ZNF407: variants seen among roughly 807,000 people sequenced by gnomAD.
ZNF407 encodes the protein zinc finger protein 407.
In ZNF407, 17 loss-of-function variants were observed where a neutral mutation model predicts 131.2. The observed-to-expected ratio is 0.13, with a 90% CI of 0.09 to 0.19. The LOEUF is 0.19. ZNF407 is among the 10% of genes least tolerant of loss of function. ZNF407 has a pLI of 1.00. For synonymous variants in ZNF407, 1,156 were observed against 1,062.0 expected, an observed-to-expected ratio of 1.09 and a Z score of -1.72; for missense variants, 2,681 against 2,830.6, an observed-to-expected ratio of 0.95 and a Z score of 1.20.
chr18:74,914,873 G>A (rs557651383), intron 7 of ZNF407, among the ~76,000 whole-genome samples: 1 of 152,166 alleles, frequency 6.6e-6, no homozygotes, highest in African/African-American at 2.4e-5. Context: ...AAACTGCTCA[G>A]TCATTGCATG....
intron 8 of ZNF407, among the ~76,000 whole-genome samples, chr18:74,921,369 C>T (rs1351844995): frequency 1.3e-5 from 2 of 152,194 alleles, no homozygotes; most frequent in Non-Finnish European, 2.9e-5. Flanking sequence ...TCCTTGAGTG[C>T]CAAATTCTGT....
intron 3 of ZNF407, among the ~76,000 whole-genome samples, chr18:74,686,868 A>G (rs140137848): frequency 1.3e-5 from 2 of 152,356 alleles, no homozygotes; most frequent in East Asian, 1.9e-4. Flanking sequence ...TAATTTATAT[A>G]TACACTGTAT....
intron 3 of ZNF407, among the ~76,000 whole-genome samples, chr18:74,721,685 A>G (rs903951828): frequency 2.0e-5 from 3 of 152,106 alleles, no homozygotes; most frequent in Non-Finnish European, 2.9e-5. Context: ...CAGTCTGAGA[A>G]TCTCTTCTTT....
chr18:74,729,510 T>C (rs1968241398), intron 3 of ZNF407, among the ~76,000 whole-genome samples: 1 of 152,182 alleles, frequency 6.6e-6, no homozygotes, highest in Non-Finnish European at 1.5e-5. Flanking sequence ...TGTGTGTTTT[T>C]TTTTGTCTTG....
At chr18:74,843,201 T>G (rs1970657825) in intron 4 of ZNF407, among the ~76,000 whole-genome samples, 1 of 152,240 alleles carries the variant, frequency 6.6e-6, no homozygotes, top group Non-Finnish European at 1.5e-5. Flanking sequence ...TATTTTCTCT[T>G]AATTACTACT....
intron 8 of ZNF407, among the ~76,000 whole-genome samples, chr18:75,010,060 A>G (rs1218664835): frequency 6.6e-6 from 1 of 152,192 alleles, no homozygotes; most frequent in South Asian, 2.1e-4. Flanking sequence ...AGAAAACATT[A>G]TGCACATTTT....
At chr18:74,851,178 G>A (rs558197632) in intron 4 of ZNF407, among the ~76,000 whole-genome samples, 13 of 152,258 alleles carry the variant, frequency 8.5e-5, no homozygotes, top group East Asian at 5.8e-4. Context: ...TTATTCAAAC[G>A]TCTTTTCTTA....
rs575921309 is a variant in ZNF407, at chr18:74,884,910, A to C, written c.5128+3791A>C. On this transcript the variant is annotated intron_variant, in intron 6 of 8. Coordinates refer to ENST00000299687, the MANE Select transcript of ZNF407 (RefSeq NM_017757.3). ...ATGTCATCCTTTTACCCCACTTCAA[A>C]TATCAGCAGAATCTATGAAAAATGA... is the stretch of plus-strand genomic sequence containing the variant. Among the ~76,000 whole-genome samples the C allele has an allele frequency of 2.0e-5, 3 of 152,306 alleles. No homozygotes were observed. The South Asian group carries it at 6.2e-4, about 32-fold the overall frequency.
intron 5 of ZNF407, among the ~76,000 whole-genome samples, chr18:74,880,663 A>T (rs1971224905): frequency 6.6e-6 from 1 of 152,200 alleles, no homozygotes; most frequent in Admixed American, 6.5e-5. Context: ...TATATTAACT[A>T]TTCCAAGCAA....
intron 3 of ZNF407, among the ~76,000 whole-genome samples, chr18:74,694,285 G>A (rs1250829382): frequency 1.3e-5 from 2 of 152,126 alleles, no homozygotes; most frequent in African/African-American, 4.8e-5. Context: ...CAATGTTAAG[G>A]TGTGACCGTT....
intron 3 of ZNF407, among the ~76,000 whole-genome samples, chr18:74,771,827 A>T (rs962773492): frequency 3.7e-4 from 57 of 152,106 alleles, no homozygotes; most frequent in African/African-American, 1.2e-3. Context: ...ATTTTCTTTT[A>T]AAAATATTGT....
At position 74,750,014 on chromosome 18, in the gene ZNF407, T is replaced by C. The variant is rs79421411; in HGVS notation, c.4803-31414T>C. Among the ~76,000 whole-genome samples the C allele has an allele frequency of 2.6e-5, 4 of 152,266 alleles. No homozygotes were observed. In the East Asian group the frequency reaches 5.8e-4, roughly 22 times the overall value. On this transcript the variant is annotated intron_variant, in intron 3 of 8. Transcript: ENST00000299687. ...GGTTGGTGCAAGGGTCACAGTTTTG[T>C]CCATGAAAGTCCTTTCCAGCCTCAT...
At chr18:74,600,399 C>T (rs1336006682) in intron 1 of ZNF407, among the ~76,000 whole-genome samples, 1 of 152,198 alleles carries the variant, frequency 6.6e-6, no homozygotes, top group Non-Finnish European at 1.5e-5. Flanking sequence ...GGACTGTTGA[C>T]TCTCTTCTAC....
chr18:74,969,859 T>G (rs1472890210), intron 8 of ZNF407, among the ~76,000 whole-genome samples: 1 of 152,230 alleles, frequency 6.6e-6, no homozygotes. Context: ...TTTTCCTAGA[T>G]GTCCTTCTCT....
At chr18:74,769,884 T>C (rs988612517) in intron 3 of ZNF407, among the ~76,000 whole-genome samples, 2 of 152,188 alleles carry the variant, frequency 1.3e-5, no homozygotes, top group African/African-American at 4.8e-5. Flanking sequence ...CACCTGAAAC[T>C]AGGCCTATAC....
At position 75,021,721 on chromosome 18, in the gene ZNF407, G is replaced by T. The variant is rs771395475; in HGVS notation, c.5429-41429G>T. 5.9e-4 allele frequency among the ~76,000 whole-genome samples: 89 copies of T among 151,924 alleles called. 1 individual carries two copies. The highest frequency in any genetic ancestry group is 6.3e-3 in the Middle Eastern group (2 of 316). ...ATAGTTCACAAAGATAAAAGTTGAT[G>T]CACTAAAGAGTTAAATTTTTTTAAT... On this transcript the variant is annotated intron_variant, in intron 8 of 8. Transcript: ENST00000299687.
intron 4 of ZNF407, among the ~76,000 whole-genome samples, chr18:74,822,948 A>G (rs1340673862): frequency 6.6e-6 from 1 of 152,124 alleles, no homozygotes; most frequent in Non-Finnish European, 1.5e-5. Flanking sequence ...TTCCTTGAGC[A>G]TTGGTTTGTA....
chr18:74,955,785 G>A (rs1253113425), intron 8 of ZNF407, among the ~76,000 whole-genome samples: 3 of 152,130 alleles, frequency 2.0e-5, no homozygotes, highest in Non-Finnish European at 4.4e-5. Flanking sequence ...CACATCTTCC[G>A]ATGTTTGTGA....
chr18:74,723,155 C>T (rs748577617), intron 3 of ZNF407, among the ~76,000 whole-genome samples: 2 of 152,078 alleles, frequency 1.3e-5, no homozygotes, highest in African/African-American at 4.8e-5. Flanking sequence ...TCTCATTGGA[C>T]TTTTACAAAT....
Sources: gnomAD v4.1 joint callset for allele counts (sites outside exome capture counted in the v4.1 genomes callset) on GRCh38, gnomAD v4.1.1 for gene constraint, MANE v1.5 for transcripts, NCBI Gene and HGNC (gene_info 2026-07-23, HGNC 2026-07-21) for gene names.